ZFYVE27: variants seen among roughly 807,000 people sequenced by gnomAD.
ZFYVE27 encodes the protein zinc finger FYVE-type containing 27.
ZFYVE27 carries 36 observed loss-of-function variants against 52.8 expected under a neutral mutation model. That is an observed-to-expected ratio of 0.68 (90% confidence interval 0.52 to 0.90). The LOEUF is 0.90. Among genes scored for constraint, ZFYVE27 ranks in the 40% least tolerant of loss-of-function variants. The pLI is 0.00. For synonymous variants in ZFYVE27, 223 were observed against 215.6 expected, an observed-to-expected ratio of 1.03 and a Z score of -0.30; for missense variants, 450 against 527.2, an observed-to-expected ratio of 0.85 and a Z score of 1.43.
At chr10:97,755,052 T>C (rs7908567) in intron 10 of ZFYVE27, among the ~76,000 whole-genome samples, 4,606 of 152,332 alleles carry the variant, frequency 0.03, 154 homozygotes, top group African/African-American at 0.086. Flanking sequence ...CCTTGTTTTA[T>C]GCCTGTCCCG....
At chr10:97,743,274 A>G in intron 3 of ZFYVE27, 110 bp downstream of exon 3, 4 of 1,278,450 alleles carry the variant, frequency 3.1e-6, no homozygotes, top group Non-Finnish European at 4.5e-6. Flanking sequence ...CCCTGGAGTT[A>G]GTGTTCCTCT....
chr10:97,757,097 T>G, intron 10 of ZFYVE27, 168 bp from the exon 11 acceptor site: 1 of 813,274 alleles, frequency 1.2e-6, no homozygotes, highest in Non-Finnish European at 2.0e-6. Context: ...GTCTTCTTAG[T>G]TTGAGTCCTT....
chr10:97,740,456 T>C (rs568263706), intron 2 of ZFYVE27, among the ~76,000 whole-genome samples: 3 of 152,360 alleles, frequency 2.0e-5, no homozygotes, highest in Admixed American at 2.0e-4. Flanking sequence ...AGAGAGGCTG[T>C]GCCCCCGGCA....
rs771645166 is a variant in ZFYVE27 at position 97,752,823 on chromosome 10, T to G, written c.877-34T>G. The G allele has an allele frequency of 3.1e-6, 5 of 1,612,876 alleles. No individual in the cohort carries two copies. In the South Asian group the frequency reaches 5.5e-5, roughly 18 times the overall value. On this transcript the variant is annotated intron_variant, in intron 8 of 12. Transcript: ENST00000684270. Reference sequence around the variant, plus strand: ...TCTTCTTGCTATCTTTTTCTTTCTGTTTTCTCTCCTCTTCCCCGCACCTTG... The same window carrying G: ...TCTTCTTGCTATCTTTTTCTTTCTGGTTTCTCTCCTCTTCCCCGCACCTTG...
At chr10:97,743,241 A>G (rs1226425740) in intron 3 of ZFYVE27, 77 bp downstream of exon 3, 12 of 1,495,960 alleles carry the variant, frequency 8.0e-6, no homozygotes, top group South Asian at 1.1e-5. Context: ...GCCCCACCCT[A>G]TGTGTGGGAG....
At chr10:97,755,114 C>T (rs1590095860) in intron 10 of ZFYVE27, among the ~76,000 whole-genome samples, 1 of 152,336 alleles carries the variant, frequency 6.6e-6, no homozygotes, top group East Asian at 1.9e-4. Context: ...TGGGCAGAGG[C>T]CTTTTCAGCC....
rs1564843995 is a variant in ZFYVE27, at chr10:97,760,229, TG to T, written c.*934del. On this transcript the variant is annotated 3_prime_UTR_variant, in exon 13 of 13. Coordinates refer to ENST00000684270, the MANE Select transcript of ZFYVE27 (RefSeq NM_001385875.1). ...CAGAGGTCCTGAAGCCCTTGACCCC[TG>T]GGGGCCTGGGTAGTGTAGGATCTCG... 1 of 152,396 alleles carries T rather than the reference TG, an allele frequency of 6.6e-6. No homozygotes were observed. The highest frequency in any genetic ancestry group is 1.5e-5 in the Non-Finnish European group (1 of 68,102). 9.4% of individuals were successfully genotyped at this position (152,396 alleles called of 1,614,324 possible).
intron 5 of ZFYVE27, among the ~76,000 whole-genome samples, chr10:97,748,723 A>G (rs1030521228): frequency 6.6e-6 from 1 of 152,194 alleles, no homozygotes; most frequent in Non-Finnish European, 1.5e-5. Flanking sequence ...ACTTATCATT[A>G]TATTAAAGAT....
Position 97,743,048 on chromosome 10 carries a change from C to A in ZFYVE27, c.198-46C>A, listed in dbSNP as rs779068001. The A allele has an allele frequency of 3.8e-6, 6 of 1,599,960 alleles. No individual in the cohort carries two copies. The South Asian group carries it at 6.6e-5, about 18-fold the overall frequency. On this transcript the variant is annotated intron_variant, in intron 2 of 12. Transcript: ENST00000684270. ...GTGCTGCCTGGTCTCCCCTCCCCAG[C>A]TGGAGGAGTGACTCTCTGTAGTGAT...
chr10:97,740,587 G>C (rs1460773034), intron 2 of ZFYVE27, among the ~76,000 whole-genome samples: 1 of 152,160 alleles, frequency 6.6e-6, no homozygotes, highest in East Asian at 1.9e-4. Flanking sequence ...AATGTGTTAG[G>C]GTTTTTCCAT....
chr10:97,743,465 A>G (rs941856621), intron 3 of ZFYVE27, among the ~76,000 whole-genome samples: 2 of 152,234 alleles, frequency 1.3e-5, no homozygotes, highest in Non-Finnish European at 2.9e-5. Flanking sequence ...GTCTAGGCAT[A>G]ATACTTAGCA....
intron 12 of ZFYVE27, chr10:97,757,967 A>C (rs1373129438): frequency 2.0e-6 from 1 of 492,394 alleles, no homozygotes; most frequent in East Asian, 3.5e-5. Flanking sequence ...CTGCTTCACT[A>C]AAGTTGAAAA....
At chr10:97,739,969 A>T (rs865998277) in intron 2 of ZFYVE27, among the ~76,000 whole-genome samples, 38 of 151,906 alleles carry the variant, frequency 2.5e-4, no homozygotes, top group African/African-American at 9.2e-4. Context: ...GATTGTCCTA[A>T]AGAGCAGAGG....
chr10:97,751,299 G>A, intron 7 of ZFYVE27, 92 bp from the exon 8 acceptor site: 1 of 1,422,222 alleles, frequency 7.0e-7, no homozygotes. Context: ...GGTGTTTTGG[G>A]TAGCCTGGAT....
intron 6 of ZFYVE27, chr10:97,749,962 C>G (rs883324): frequency 0.74 from 303,393 of 412,440 alleles, 112,659 homozygotes; most frequent in Middle Eastern, 0.78. Flanking sequence ...CAGAATACCC[C>G]TCTGTTGTCT....
At position 97,749,378 on chromosome 10, in the gene ZFYVE27, C is replaced by T. The variant is rs143066428; in HGVS notation, c.552-96C>T. On this transcript the variant is annotated intron_variant, in intron 5 of 12. Transcript: ENST00000684270. ...TGTCAGTTTATTAATGTGCCCAGAG[C>T]TGTGTCTCACCTGGACCCTGCTGTG... 8.4e-5 allele frequency: 74 copies of T among 881,622 alleles called. No individual in the cohort carries two copies. In the African/African-American group the frequency reaches 1.1e-3, roughly 13 times the overall value. The allele number at this position is 881,622 out of a possible 1,614,324, so 54.6% of individuals were successfully genotyped here. A position where few individuals can be genotyped will look rare whatever the true frequency, so the allele number is the denominator to read the frequency against.
At chr10:97,755,860 C>T (rs560675487) in intron 10 of ZFYVE27, among the ~76,000 whole-genome samples, 1 of 152,306 alleles carries the variant, frequency 6.6e-6, no homozygotes, top group African/African-American at 2.4e-5. Flanking sequence ...GCCTCGGTGG[C>T]ATCGTCACGT....
At chr10:97,748,701 CT>C (rs1451758128) in intron 5 of ZFYVE27, among the ~76,000 whole-genome samples, 1 of 152,056 alleles carries the variant, frequency 6.6e-6, no homozygotes, top group Non-Finnish European at 1.5e-5. Context: ...TTCAATTTTT[CT>C]TTTGTTTTCC....
At chr10:97,751,525 G>T in intron 8 of ZFYVE27, 63 bp downstream of exon 8, 1 of 1,552,216 alleles carries the variant, frequency 6.4e-7, no homozygotes. Flanking sequence ...TCCTGGAGCT[G>T]TTTTTTGTTT....
Sources: allele counts gnomAD v4.1 joint callset (sites outside exome capture counted in the v4.1 genomes callset), GRCh38; gene constraint gnomAD v4.1.1; transcripts MANE v1.5; gene names NCBI Gene and HGNC (gene_info 2026-07-23, HGNC 2026-07-21).